The following GLS2 variants were observed in gnomAD, a reference collection of about 807,000 sequenced individuals.
GLS2 encodes the protein glutaminase 2.
A neutral mutation model predicts 79.0 loss-of-function variants in GLS2; 52 were observed. That is an observed-to-expected ratio of 0.66 (90% CI 0.53 to 0.83). GLS2 has a LOEUF of 0.83. Among genes scored for constraint, GLS2 ranks in the 40% least tolerant of loss-of-function variants. The pLI is 0.00. For missense variants in GLS2, 561 were observed against 764.8 expected (o/e 0.73, Z 3.14); for synonymous variants, 238 against 280.8 (o/e 0.85, Z 1.52).
rs1350312132 is a variant in GLS2 at position 56,473,335 on chromosome 12, C to T, written c.1357-15G>A. Reference sequence around the variant, plus strand: ...GACACCAACTTCTAGAATTGTAAGCCAAATATATTGTTTATTTACTCCTTA... The same window carrying T: ...GACACCAACTTCTAGAATTGTAAGCTAAATATATTGTTTATTTACTCCTTA... On this transcript the variant is annotated splice_polypyrimidine_tract_variant and intron_variant, in intron 13 of 17. Coordinates refer to ENST00000311966, the MANE Select transcript of GLS2 (RefSeq NM_013267.4). 6.2e-7 allele frequency: 1 copy of T among 1,613,532 alleles called. No individual in the cohort carries two copies. The highest frequency in any genetic ancestry group is 1.7e-5 in the Admixed American group (1 of 59,950).
At chr12:56,486,234 G>A (rs777162127) in intron 1 of GLS2, among the ~76,000 whole-genome samples, 61 of 152,058 alleles carry the variant, frequency 4.0e-4, no homozygotes, top group Non-Finnish European at 7.9e-4. Context: ...ATGATAGGGG[G>A]TTCCCTGGGC....
chr12:56,487,702 G>T (rs1565710025), intron 1 of GLS2: 2 of 565,696 alleles, frequency 3.5e-6, no homozygotes, highest in East Asian at 3.2e-5. Flanking sequence ...TGCGCACCTT[G>T]GACAGGCGCC....
intron 1 of GLS2, among the ~76,000 whole-genome samples, chr12:56,482,885 C>G (rs960239793): frequency 6.6e-6 from 1 of 152,110 alleles, no homozygotes; most frequent in East Asian, 1.9e-4. Context: ...GCGTGAGCCA[C>G]CGCACCCAGC....
chr12:56,479,345 C>A, intron 3 of GLS2, 164 bp from the exon 4 acceptor site: 2 of 768,718 alleles, frequency 2.6e-6, no homozygotes, highest in South Asian at 4.8e-5. Context: ...GTCTTAGTTT[C>A]CGTACCTCTA....
rs1592271760 is a variant in GLS2 at position 56,472,172 on chromosome 12, A to G, written c.1535T>C (p.Met512Thr). Residue 512 changes from methionine (M) to threonine (T), a missense_variant, in exon 16 of 18, where the codon ATG becomes ACG. Met to Thr is a moderately conservative substitution (Grantham distance 81, BLOSUM62 -1). Around this residue, in one of 4 missense-constraint regions of GLS2, gnomAD observed 136 missense variants for 228.6 expected, o/e 0.59. Transcript: ENST00000311966. ...GCGCGAGTCATAGTCTTTCTGTTCCATATCCATGGCTGACAAGGCAAACCT... is the reference window on the plus strand; with the variant it reads ...GCGCGAGTCATAGTCTTTCTGTTCCGTATCCATGGCTGACAAGGCAAACCT... Reference protein sequence around the residue: ...LRRFALSAMDMEQKDYDSRTA... With the variant: ...LRRFALSAMDTEQKDYDSRTA... The G allele has an allele frequency of 1.9e-6, 3 of 1,614,206 alleles. No homozygotes were observed. Among genetic ancestry groups the G allele is most frequent in the Middle Eastern group, 1.6e-4 (1 of 6,062 alleles).
intron 9 of GLS2, chr12:56,475,423 A>G: frequency 1.4e-6 from 1 of 701,788 alleles, no homozygotes; most frequent in Non-Finnish European, 2.3e-6. Flanking sequence ...CTCTCTCATT[A>G]TGTACTAATT....
chr12:56,487,844 G>A, intron 1 of GLS2, 93 bp downstream of exon 1: 1 of 1,377,728 alleles, frequency 7.3e-7, no homozygotes. Flanking sequence ...GGGGAGATGA[G>A]CGGCGCTGCC....
Position 56,474,559 on chromosome 12 carries a change from G to A in GLS2, c.1209C>T (p.Gly403=). Residue 403 remains glycine (G), a synonymous_variant, in exon 12 of 18, where the codon GGC becomes GGT. Transcript: ENST00000311966. Reference sequence around the variant, plus strand: ...AGAAACTCACGTGGAAGGCAAACTGGCCAGAGAAGTCATACATGCCGCAGG... The same window carrying A: ...AGAAACTCACGTGGAAGGCAAACTGACCAGAGAAGTCATACATGCCGCAGG... ...MHSCGMYDFS[G]QFAFHVGLPA... 1.2e-6 allele frequency: 2 copies of A among 1,613,986 alleles called. No homozygotes were observed. The highest frequency in any genetic ancestry group is 1.7e-6 in the Non-Finnish European group (2 of 1,180,044).
rs994016796 is a variant in GLS2 at position 56,471,158 on chromosome 12, C to G, written c.*329G>C. ...AGAGTCCCTCCACCAGAGTATCTCTCTCATGATGGTTTCTTCAGGGAGAGG... is the reference window on the plus strand; with the variant it reads ...AGAGTCCCTCCACCAGAGTATCTCTGTCATGATGGTTTCTTCAGGGAGAGG... On this transcript the variant is annotated 3_prime_UTR_variant, in exon 18 of 18. Coordinates refer to ENST00000311966, the MANE Select transcript of GLS2 (RefSeq NM_013267.4). 2 of 426,326 alleles carry G rather than the reference C, an allele frequency of 4.7e-6. No homozygotes were observed. Among genetic ancestry groups the G allele is most frequent in the African/African-American group, 2.0e-5 (1 of 49,332 alleles). 26.4% of individuals were successfully genotyped at this position (426,326 alleles called of 1,614,324 possible). A position where few individuals can be genotyped will look rare whatever the true frequency, so the allele number is the denominator to read the frequency against.
At chr12:56,473,901 T>A in intron 12 of GLS2, 1 of 274,178 alleles carries the variant, frequency 3.6e-6, no homozygotes, top group Non-Finnish European at 6.8e-6. Context: ...AGACACGTAA[T>A]GTTTAAAGTA....
chr12:56,478,528 G>T (rs1289633657), intron 4 of GLS2: 16 of 460,032 alleles, frequency 3.5e-5, no homozygotes, highest in Non-Finnish European at 2.4e-5. Context: ...TTCCCCTTTT[G>T]GTTCTTAGGC....
chr12:56,472,212 A>G lies in GLS2; in HGVS notation c.1512-17T>C. On this transcript the variant is annotated splice_polypyrimidine_tract_variant and intron_variant, in intron 15 of 17. Transcript: ENST00000311966. The stretch of plus-strand genomic sequence containing the variant: ...AAGGCAAACCTGAGGGTAGTGGGAA[A>G]GCAGCTAGAGTTGCCTAGATCAGAC... 3 of 1,612,484 alleles carry G rather than the reference A, an allele frequency of 1.9e-6. No individual in the cohort carries two copies. Among genetic ancestry groups the G allele is most frequent in the Middle Eastern group, 1.6e-4 (1 of 6,062 alleles).
intron 1 of GLS2, among the ~76,000 whole-genome samples, chr12:56,483,728 A>G (rs1439229983): frequency 6.6e-6 from 1 of 152,182 alleles, no homozygotes; most frequent in Non-Finnish European, 1.5e-5. Context: ...CTATAGGTGT[A>G]TGCCACCATG....
In GLS2 at chr12:56,471,138, C is replaced by A. The variant is rs1222904489; in HGVS notation, c.*349G>T. 4.9e-6 allele frequency: 2 copies of A among 411,676 alleles called. No individual in the cohort carries two copies. The highest frequency in any genetic ancestry group is 2.0e-5 in the African/African-American group (1 of 48,944). The allele number at this position is 411,676 out of a possible 1,614,324, so 25.5% of individuals were successfully genotyped here. ...TGTACATGTGCATGGTAGCTAGAGT[C>A]CCTCCACCAGAGTATCTCTCTCATG... On this transcript the variant is annotated 3_prime_UTR_variant, in exon 18 of 18. Transcript: ENST00000311966.
chr12:56,480,246 T>C, intron 2 of GLS2, 42 bp downstream of exon 2: 1 of 1,541,132 alleles, frequency 6.5e-7, no homozygotes, highest in Admixed American at 1.7e-5. Flanking sequence ...TTTTCAGAGA[T>C]CTTAAGGAAT....
Position 56,487,942 on chromosome 12 carries a change from C to T in GLS2, c.177G>A (p.Gln59=). The T allele has an allele frequency of 2.5e-6, 4 of 1,603,032 alleles. No individual in the cohort carries two copies. The highest frequency in any genetic ancestry group is 3.4e-6 in the Non-Finnish European group (4 of 1,179,648). ...ETPHSHQPQH[Q]DHDSSESGML... ...CCCTGTCCCAGGAGCCTTACTGATC[C>T]TGGTGCTGCGGCTGGTGGCTGTGTG... is the stretch of plus-strand genomic sequence containing the variant. The change falls in exon 1 of 18, where the codon CAG becomes CAA. Residue 59 remains glutamine, a synonymous_variant. Transcript: ENST00000311966.
At position 56,471,599 on chromosome 12, in the gene GLS2, A is replaced by C; in HGVS notation, c.1697T>G (p.Leu566Arg). Reference sequence around the variant, plus strand: ...ATCTTGAAGCAGTTTGACCACCTCCAGATGGTTGAACTGCACAGCATCATC... The same window carrying C: ...ATCTTGAAGCAGTTTGACCACCTCCCGATGGTTGAACTGCACAGCATCATC... ...PLDDAVQFNH[L>R]EVVKLLQDYQ... The change falls in exon 18 of 18, where the codon CTG becomes CGG. Residue 566 changes from leucine (L) to arginine (R), a missense_variant. Around this residue, in one of 4 missense-constraint regions of GLS2, gnomAD observed 136 missense variants for 228.6 expected, o/e 0.59. Coordinates refer to ENST00000311966, the MANE Select transcript of GLS2 (RefSeq NM_013267.4). 6.2e-7 allele frequency: 1 copy of C among 1,614,168 alleles called. No homozygotes were observed. Among genetic ancestry groups the C allele is most frequent in the South Asian group, 1.1e-5 (1 of 91,082 alleles).
intron 1 of GLS2, among the ~76,000 whole-genome samples, chr12:56,486,014 C>CAAAA (rs11414489): frequency 1.9e-4 from 18 of 93,610 alleles, no homozygotes; most frequent in African/African-American, 2.6e-4. Context: ...ACTCTGTCTC[C>CAAAA]AAAAAAAAAA....
chr12:56,471,021 A>G lies in GLS2; in HGVS notation c.*466T>C. ...GTCTATAAAATTGGCTGTTAGCAGT[A>G]GCAGCAGCATGTCCTGGCCAAGGGG... On this transcript the variant is annotated 3_prime_UTR_variant, in exon 18 of 18. Transcript: ENST00000311966. 4.2e-6 allele frequency: 1 copy of G among 240,422 alleles called. No homozygotes were observed. Among genetic ancestry groups the G allele is most frequent in the Non-Finnish European group, 8.0e-6 (1 of 125,772 alleles). 14.9% of individuals were successfully genotyped at this position (240,422 alleles called of 1,614,324 possible).
Sources: gnomAD v4.1 joint callset for allele counts (sites outside exome capture counted in the v4.1 genomes callset) on GRCh38, gnomAD v4.1.1 for gene constraint, gnomAD v4.1.1 regional missense constraint, MANE v1.5 for transcripts, NCBI Gene and HGNC (gene_info 2026-07-23, HGNC 2026-07-21) for gene names.